The following LARP1B variants were observed in gnomAD, a reference collection of about 807,000 sequenced individuals.
LARP1B encodes the protein la-related protein 1B.
In LARP1B, 76 loss-of-function variants were observed where a neutral mutation model predicts 114.2. The ratio of observed to expected loss-of-function variants is 0.67; its 90% CI spans 0.55 to 0.81. The LOEUF (loss-of-function observed/expected upper bound fraction) is 0.81. LARP1B is among the 30% of genes least tolerant of loss of function. The probability of loss-of-function intolerance (pLI) is 0.00; values close to 1 mark genes in which losing one functional copy is unlikely to be tolerated. For missense variants in LARP1B, 1,014 were observed against 1,075.8 expected, an observed-to-expected ratio of 0.94 and a Z score of 0.80; for synonymous variants, 345 against 348.0, an observed-to-expected ratio of 0.99 and a Z score of 0.10.
intron 1 of LARP1B, among the ~76,000 whole-genome samples, chr4:128,068,740 T>C (rs563473341): frequency 3.3e-5 from 5 of 152,258 alleles, no homozygotes; most frequent in African/African-American, 1.2e-4. Flanking sequence ...TTAAATAATT[T>C]ATTTTAAACC....
chr4:128,072,134 G>A (rs1291831310), intron 1 of LARP1B, among the ~76,000 whole-genome samples: 1 of 151,866 alleles, frequency 6.6e-6, no homozygotes, highest in Non-Finnish European at 1.5e-5. Flanking sequence ...AGAGTAGCTA[G>A]GATAACAGGC....
chr4:128,063,400 C>CCTGGTCGG (rs75109028), intron 1 of LARP1B, among the ~76,000 whole-genome samples: 17,224 of 116,556 alleles, frequency 0.15, 2,002 homozygotes, highest in Middle Eastern at 0.26. Flanking sequence ...TGCACTCCAG[C>CCTGGTCGG]CTGGTCGGCA....
At chr4:128,104,013 A>G (rs1279107118) in intron 8 of LARP1B, among the ~76,000 whole-genome samples, 1 of 149,720 alleles carries the variant, frequency 6.7e-6, no homozygotes, top group African/African-American at 2.5e-5. Flanking sequence ...TATTTTATTT[A>G]TTTATTTATT....
chr4:128,093,588 T>G (rs1776649821), intron 7 of LARP1B, among the ~76,000 whole-genome samples: 1 of 151,568 alleles, frequency 6.6e-6, no homozygotes, highest in South Asian at 2.1e-4. Flanking sequence ...AGAGCCAGAC[T>G]CTGTCTCAAA....
At position 128,091,471 on chromosome 4, in the gene LARP1B, T is replaced by C; in HGVS notation, c.627T>C (p.Pro209=). The change falls in exon 7 of 20, where the codon CCT becomes CCC. Residue 209 remains proline (P), a synonymous_variant. Transcript: ENST00000326639. ...ATGGTACAGGTGTACAGGTGTATCC[T>C]GTGGAAGAAGCATTGCTTAAAGAGT... ...YDDGTGVQVY[P]VEEALLKEYI... 6.2e-7 allele frequency: 1 copy of C among 1,609,394 alleles called. No homozygotes were observed. The highest frequency in any genetic ancestry group is 1.3e-5 in the African/African-American group (1 of 74,922).
In LARP1B at chr4:128,206,574, A is replaced by G. The variant is rs147079253; in HGVS notation, c.2419+37A>G. 8.6e-5 allele frequency: 135 copies of G among 1,578,854 alleles called. 1 individual carries two copies. The African/African-American group carries it at 1.8e-3, about 21-fold the overall frequency. On this transcript the variant is annotated intron_variant, in intron 18 of 19. Transcript: ENST00000326639. ...ATCAGAAAACTTGTACTCTAATTGG[A>G]AATTGTAAACCTGAGTCTGTCAGTA...
At chr4:128,095,681 G>A (rs1045342162) in intron 7 of LARP1B, among the ~76,000 whole-genome samples, 8 of 151,948 alleles carry the variant, frequency 5.3e-5, no homozygotes, top group African/African-American at 1.9e-4. Flanking sequence ...GTAAAAGGTA[G>A]CTGAAAACAA....
intron 12 of LARP1B, among the ~76,000 whole-genome samples, chr4:128,167,230 T>C (rs1417961414): frequency 6.6e-6 from 1 of 151,890 alleles, no homozygotes; most frequent in Non-Finnish European, 1.5e-5. Context: ...GGTATATATA[T>C]AAGGTGTACC....
chr4:128,208,412 G>A (rs1005449173), intron 19 of LARP1B, among the ~76,000 whole-genome samples: 4 of 152,074 alleles, frequency 2.6e-5, no homozygotes, highest in African/African-American at 9.7e-5. Flanking sequence ...CATCATCTCT[G>A]CTTTGTGTTG....
chr4:128,065,327 C>CTTT (rs1561012930), intron 1 of LARP1B, among the ~76,000 whole-genome samples: 1,532 of 112,944 alleles, frequency 0.014, 43 homozygotes, highest in Non-Finnish European at 0.018. Flanking sequence ...CTCTCTCTCT[C>CTTT]TCTCTTTCCT....
At chr4:128,185,809 C>T (rs1371178492) in intron 15 of LARP1B, among the ~76,000 whole-genome samples, 1 of 152,144 alleles carries the variant, frequency 6.6e-6, no homozygotes, top group South Asian at 2.1e-4. Flanking sequence ...CTAGTAATTT[C>T]ATAGCTTTGG....
rs555427867 is a variant in LARP1B at position 128,094,470 on chromosome 4, G to A, written c.668+2958G>A. On this transcript the variant is annotated intron_variant, in intron 7 of 19. Coordinates refer to ENST00000326639, the MANE Select transcript of LARP1B (RefSeq NM_018078.4). ...GGATGGAGTACAGTGGCGCAATCTC[G>A]GCTCACCTCAACCTCTGCCTCCCGG... Among the ~76,000 whole-genome samples the A allele has an allele frequency of 9.0e-5, 13 of 143,972 alleles. No homozygotes were observed. The South Asian group carries it at 1.7e-3, about 19-fold the overall frequency. 94.5% of individuals were successfully genotyped at this position (143,972 alleles called of 152,430 possible).
At position 128,108,212 on chromosome 4, in the gene LARP1B, T is replaced by G. The variant is rs892171983; in HGVS notation, c.988+899T>G. ...ATGGTGGGAAAGTTAATTATTATTA[T>G]TCTGGAAATACCGCAAGATTATGTT... On this transcript the variant is annotated intron_variant, in intron 9 of 19. Transcript: ENST00000326639. 9 of 1,190,498 alleles carry G rather than the reference T, an allele frequency of 7.6e-6. No individual in the cohort carries two copies. The African/African-American group carries it at 1.4e-4, about 19-fold the overall frequency. The allele number at this position is 1,190,498 out of a possible 1,614,324, so 73.7% of individuals were successfully genotyped here.
intron 17 of LARP1B, among the ~76,000 whole-genome samples, chr4:128,203,024 C>T (rs958487830): frequency 1.3e-5 from 2 of 152,038 alleles, no homozygotes; most frequent in African/African-American, 2.4e-5. Context: ...ATGGCAAAAC[C>T]CCGTCTCTTC....
intron 1 of LARP1B, among the ~76,000 whole-genome samples, chr4:128,068,024 G>T (rs1191287972): frequency 6.6e-6 from 1 of 152,108 alleles, no homozygotes; most frequent in Non-Finnish European, 1.5e-5. Flanking sequence ...GGGACTACAG[G>T]CGCCCGCCAC....
intron 12 of LARP1B, among the ~76,000 whole-genome samples, chr4:128,175,236 T>C (rs1745399497): frequency 6.6e-6 from 1 of 152,124 alleles, no homozygotes; most frequent in African/African-American, 2.4e-5. Flanking sequence ...GGTTTTGGCA[T>C]GGTTTTTTTC....
At chr4:128,178,863 C>T (rs1747360999) in intron 14 of LARP1B, among the ~76,000 whole-genome samples, 1 of 152,232 alleles carries the variant, frequency 6.6e-6, no homozygotes, top group East Asian at 1.9e-4. Flanking sequence ...GAGACCGAGG[C>T]AGGTGGATCG....
rs113824062 is a variant in LARP1B, at chr4:128,100,992, AT to A, written c.813+2668del. ...GCCACCATGCCTGGCTAATTTTTGT[AT>A]TTTTTAGTAGAGACAGGGTTTCACC... On this transcript the variant is annotated intron_variant, in intron 8 of 19. Transcript: ENST00000326639. Among the ~76,000 whole-genome samples the A allele has an allele frequency of 2.7e-5, 4 of 149,158 alleles. No homozygotes were observed. The East Asian group carries it at 6.1e-4, about 23-fold the overall frequency.
intron 10 of LARP1B, among the ~76,000 whole-genome samples, chr4:128,115,625 A>C (rs1785519477): frequency 6.6e-6 from 1 of 152,146 alleles, no homozygotes; most frequent in South Asian, 2.1e-4. Context: ...TAACTTGAAT[A>C]ATATTTCAGT....
Sources: allele counts gnomAD v4.1 joint callset (sites outside exome capture counted in the v4.1 genomes callset), GRCh38; gene constraint gnomAD v4.1.1; transcripts MANE v1.5; gene names NCBI Gene and HGNC (gene_info 2026-07-23, HGNC 2026-07-21).